The following IL1RAPL1 variants were observed in gnomAD, a reference collection of about 807,000 sequenced individuals.
The protein encoded by IL1RAPL1 is interleukin 1 receptor accessory protein like 1.
Under a neutral mutation model 48.4 loss-of-function variants are expected in IL1RAPL1, and 3 were observed. The observed-to-expected ratio is 0.06, with a 90% CI of 0.03 to 0.16. The LOEUF (loss-of-function observed/expected upper bound fraction) is 0.16. Ranked by LOEUF, IL1RAPL1 falls within the 10% of genes least tolerant of loss-of-function variation. The pLI is 1.00. For missense variants in IL1RAPL1, 349 were observed against 530.6 expected, an observed-to-expected ratio of 0.66 and a Z score of 3.36; for synonymous variants, 185 against 187.7, an observed-to-expected ratio of 0.99 and a Z score of 0.12.
chrX:29,078,972 T>C (rs1927743097), intron 2 of IL1RAPL1, among the ~76,000 whole-genome samples: 1 of 112,250 alleles, frequency 8.9e-6, no homozygotes, highest in Non-Finnish European at 1.9e-5. Flanking sequence ...TATATTTTTA[T>C]AAGAAAGACA....
chrX:28,917,087 A>G (rs1476573855), intron 2 of IL1RAPL1, among the ~76,000 whole-genome samples: 1 of 111,427 alleles, frequency 9.0e-6, no homozygotes, highest in African/African-American at 3.3e-5. Flanking sequence ...TTTTTCCACT[A>G]TGGAATAATT....
At chrX:29,193,895 A>T (rs1362188998) in intron 2 of IL1RAPL1, among the ~76,000 whole-genome samples, 1 of 112,017 alleles carries the variant, frequency 8.9e-6, no homozygotes, top group African/African-American at 3.2e-5. Flanking sequence ...TAAAGAGGAC[A>T]GGAGACTTCT....
chrX:29,121,776 T>C (rs1928791383), intron 2 of IL1RAPL1, among the ~76,000 whole-genome samples: 1 of 111,936 alleles, frequency 8.9e-6, no homozygotes, highest in Non-Finnish European at 1.9e-5. Flanking sequence ...CCTTTTACCA[T>C]GTAAATTTGC....
intron 6 of IL1RAPL1, among the ~76,000 whole-genome samples, chrX:29,682,080 C>T (rs1315431920): frequency 1.8e-5 from 2 of 111,374 alleles, no homozygotes; most frequent in African/African-American, 3.3e-5. Context: ...ACAATTATTG[C>T]GTATTAATAA....
intron 3 of IL1RAPL1, among the ~76,000 whole-genome samples, chrX:29,379,136 G>T (rs938987085): frequency 8.9e-6 from 1 of 112,542 alleles, no homozygotes; most frequent in African/African-American, 3.2e-5. Context: ...AGACGTTCAG[G>T]GTTGGTTTCT....
intron 8 of IL1RAPL1, among the ~76,000 whole-genome samples, chrX:29,937,014 T>C (rs59619131): frequency 0.018 from 1,972 of 111,820 alleles, 42 homozygotes; most frequent in African/African-American, 0.061. Flanking sequence ...GGACTATTGT[T>C]AATTGCCTGT....
intron 3 of IL1RAPL1, among the ~76,000 whole-genome samples, chrX:29,322,002 T>C (rs1255615408): frequency 9.3e-6 from 1 of 107,673 alleles, no homozygotes; most frequent in Non-Finnish European, 1.9e-5. Flanking sequence ...ATAAAAATCA[T>C]ATTTTGCAAA....
At chrX:28,967,376 A>G (rs1924946603) in intron 2 of IL1RAPL1, among the ~76,000 whole-genome samples, 1 of 111,275 alleles carries the variant, frequency 9.0e-6, no homozygotes, top group Admixed American at 9.6e-5. Flanking sequence ...TTAGATTTAT[A>G]TATAACTTCC....
At chrX:29,286,496 A>G in intron 3 of IL1RAPL1, among the ~76,000 whole-genome samples, 1 of 111,002 alleles carries the variant, frequency 9.0e-6, no homozygotes, top group East Asian at 2.8e-4. Context: ...AGCCTGCGTA[A>G]CACAGTGAGA....
intron 2 of IL1RAPL1, among the ~76,000 whole-genome samples, chrX:28,918,653 G>A (rs918649866): frequency 8.9e-6 from 1 of 112,042 alleles, no homozygotes; most frequent in Non-Finnish European, 1.9e-5. Context: ...TTAATCTTAT[G>A]GATAGATCAA....
At chrX:28,958,707 G>A (rs73631631) in intron 2 of IL1RAPL1, among the ~76,000 whole-genome samples, 1 of 111,776 alleles carries the variant, frequency 8.9e-6, no homozygotes, top group African/African-American at 3.2e-5. Flanking sequence ...GAAAGGGTTA[G>A]AGGATCTCAT....
intron 5 of IL1RAPL1, among the ~76,000 whole-genome samples, chrX:29,500,934 C>G (rs756531581): frequency 8.1e-5 from 9 of 111,629 alleles, no homozygotes; most frequent in Non-Finnish European, 1.3e-4. Flanking sequence ...ACATTCCCAC[C>G]TTCCTCTACA....
chrX:29,170,360 T>A (rs1232443959), intron 2 of IL1RAPL1, among the ~76,000 whole-genome samples: 1 of 111,758 alleles, frequency 8.9e-6, no homozygotes, highest in Non-Finnish European at 1.9e-5. Flanking sequence ...AACCTATGAA[T>A]CTTATTATTC....
chrX:28,837,538 G>A (rs16988343), intron 2 of IL1RAPL1, among the ~76,000 whole-genome samples: 12,628 of 109,329 alleles, frequency 0.12, 1,261 homozygotes, highest in African/African-American at 0.31. Context: ...GGGCAATACC[G>A]TTCCTGTGTT....
intron 2 of IL1RAPL1, among the ~76,000 whole-genome samples, chrX:28,855,396 G>GA (rs1287239917): frequency 9.2e-6 from 1 of 108,330 alleles, no homozygotes; most frequent in Non-Finnish European, 1.9e-5. Flanking sequence ...GGCTAGAAAA[G>GA]AAAAAAAAGA....
intron 6 of IL1RAPL1, among the ~76,000 whole-genome samples, chrX:29,844,369 C>T (rs1931200899): frequency 9.0e-6 from 1 of 111,151 alleles, no homozygotes; most frequent in Admixed American, 9.6e-5. Flanking sequence ...ATGAGGGGTG[C>T]CATTTTATCA....
At chrX:29,123,308 C>T (rs1273385697) in intron 2 of IL1RAPL1, among the ~76,000 whole-genome samples, 1 of 111,171 alleles carries the variant, frequency 9.0e-6, no homozygotes, top group Non-Finnish European at 1.9e-5. Context: ...GGGATTACAC[C>T]CGGCCCAATA....
chrX:29,004,565 G>C (rs757274395), intron 2 of IL1RAPL1, among the ~76,000 whole-genome samples: 3 of 112,407 alleles, frequency 2.7e-5, no homozygotes, highest in Non-Finnish European at 5.6e-5. Flanking sequence ...GAAACACCAG[G>C]AATACTGCAT....
intron 1 of IL1RAPL1, among the ~76,000 whole-genome samples, chrX:28,768,934 G>T (rs1936281663): frequency 1.9e-5 from 2 of 104,754 alleles, no homozygotes; most frequent in South Asian, 4.4e-4. Flanking sequence ...AAGCTGAGAG[G>T]TTAGCCCTAC....
Sources: allele counts gnomAD v4.1 joint callset (sites outside exome capture counted in the v4.1 genomes callset), GRCh38; gene constraint gnomAD v4.1.1; transcripts MANE v1.5; gene names NCBI Gene and HGNC (gene_info 2026-07-23, HGNC 2026-07-21).